The following CSMD1 variants were observed in gnomAD, a reference collection of about 807,000 sequenced individuals.
The protein encoded by CSMD1 is CUB and sushi domain-containing protein 1.
CSMD1 carries 213 observed loss-of-function variants against 417.5 expected under a neutral mutation model. The ratio of observed to expected loss-of-function variants is 0.51; its 90% CI spans 0.46 to 0.57. The LOEUF (loss-of-function observed/expected upper bound fraction) is 0.57, where lower values mean the gene tolerates loss of function less well. CSMD1 is among the 20% of genes least tolerant of loss of function. CSMD1 has a pLI of 0.00. For missense variants in CSMD1, 6,923 were observed against 4,529.7 expected, an observed-to-expected ratio of 1.53 and a Z score of -15.17; for synonymous variants, 2,862 against 1,736.8, an observed-to-expected ratio of 1.65 and a Z score of -16.11.
intron 5 of CSMD1, among the ~76,000 whole-genome samples, chr8:3,992,538 C>CTT (rs1329358752): frequency 2.0e-5 from 3 of 152,128 alleles, no homozygotes; most frequent in Non-Finnish European, 2.9e-5. Context: ...TAATTCCACA[C>CTT]TTTGGGAGGC....
chr8:3,767,622 T>C (rs1266670876), intron 5 of CSMD1, among the ~76,000 whole-genome samples: 1 of 152,210 alleles, frequency 6.6e-6, no homozygotes, highest in African/African-American at 2.4e-5. Context: ...TATATCCACT[T>C]GCATATATAT....
intron 5 of CSMD1, among the ~76,000 whole-genome samples, chr8:3,780,023 G>A (rs1404033039): frequency 6.6e-6 from 1 of 152,102 alleles, no homozygotes; most frequent in African/African-American, 2.4e-5. Context: ...CATGTTCCTG[G>A]TATTCACACT....
chr8:4,007,681 T>C (rs1360280359), intron 4 of CSMD1, among the ~76,000 whole-genome samples: 4 of 150,490 alleles, frequency 2.7e-5, no homozygotes, highest in African/African-American at 9.7e-5. Context: ...TCTTCCTCTT[T>C]TTTTTTTTCA....
chr8:3,888,381 T>G (rs1035199527), intron 5 of CSMD1, among the ~76,000 whole-genome samples: 1 of 152,202 alleles, frequency 6.6e-6, no homozygotes. Context: ...ACAAGCTTCA[T>G]AGAGAAGCCT....
intron 3 of CSMD1, among the ~76,000 whole-genome samples, chr8:4,189,683 G>C (rs370417908): frequency 6.6e-6 from 1 of 152,050 alleles, no homozygotes; most frequent in East Asian, 1.9e-4. Flanking sequence ...GCATTTGAAC[G>C]GAAAGAGTGT....
intron 9 of CSMD1, among the ~76,000 whole-genome samples, chr8:3,582,485 C>G (rs1386351733): frequency 6.6e-6 from 1 of 152,048 alleles, no homozygotes; most frequent in Non-Finnish European, 1.5e-5. Flanking sequence ...GCACAACTCA[C>G]TGGGCTCATT....
At chr8:4,608,398 G>A (rs1198264673) in intron 2 of CSMD1, among the ~76,000 whole-genome samples, 1 of 152,164 alleles carries the variant, frequency 6.6e-6, no homozygotes, top group Admixed American at 6.5e-5. Flanking sequence ...TCGACAAAAG[G>A]ATGCTTTCTC....
intron 46 of CSMD1, among the ~76,000 whole-genome samples, chr8:3,101,187 T>C (rs1292950226): frequency 6.6e-6 from 1 of 152,108 alleles, no homozygotes; most frequent in Non-Finnish European, 1.5e-5. Context: ...CCAGCCTGAT[T>C]TAATTTACCA....
At chr8:4,529,856 C>G (rs1253301434) in intron 2 of CSMD1, among the ~76,000 whole-genome samples, 1 of 150,358 alleles carries the variant, frequency 6.7e-6, no homozygotes, top group Non-Finnish European at 1.5e-5. Context: ...CAGGTTGCTG[C>G]CCATGCTGCT....
intron 8 of CSMD1, among the ~76,000 whole-genome samples, chr8:3,591,368 CTCTT>C (rs1800836873): frequency 6.6e-6 from 1 of 152,282 alleles, no homozygotes; most frequent in East Asian, 1.9e-4. Context: ...AGTATAAAGA[CTCTT>C]TCTAAGTGAG....
intron 3 of CSMD1, among the ~76,000 whole-genome samples, chr8:4,115,567 A>G (rs1424182334): frequency 6.6e-6 from 1 of 152,182 alleles, no homozygotes. Context: ...TTATTTGGCT[A>G]ATAAGGAACT....
At chr8:2,964,857 A>G (rs1803823307) in intron 59 of CSMD1, among the ~76,000 whole-genome samples, 1 of 152,188 alleles carries the variant, frequency 6.6e-6, no homozygotes, top group Non-Finnish European at 1.5e-5. Context: ...GTCACATTTA[A>G]GCCTCTGCCA....
chr8:4,771,876 C>T (rs188631853), intron 1 of CSMD1, among the ~76,000 whole-genome samples: 44 of 152,262 alleles, frequency 2.9e-4, no homozygotes, highest in Middle Eastern at 6.8e-3. Context: ...GTGCTCAAAG[C>T]GGTGGGCATG....
At chr8:3,849,642 G>A (rs973726500) in intron 5 of CSMD1, among the ~76,000 whole-genome samples, 1 of 152,134 alleles carries the variant, frequency 6.6e-6, no homozygotes, top group Non-Finnish European at 1.5e-5. Context: ...TGGGGAACAA[G>A]GTCGAAGTCC....
At chr8:4,958,283 T>A (rs1670183292) in intron 1 of CSMD1, among the ~76,000 whole-genome samples, 1 of 152,208 alleles carries the variant, frequency 6.6e-6, no homozygotes, top group African/African-American at 2.4e-5. Context: ...GTGCACATAT[T>A]TGACACATCA....
chr8:4,354,927 T>A (rs935966193), intron 3 of CSMD1, among the ~76,000 whole-genome samples: 4 of 144,122 alleles, frequency 2.8e-5, no homozygotes, highest in Middle Eastern at 3.5e-3. Flanking sequence ...TTGAGTATTT[T>A]CAGGTTGAAA....
chr8:4,879,400 T>C (rs1452389501), intron 1 of CSMD1, among the ~76,000 whole-genome samples: 3 of 152,088 alleles, frequency 2.0e-5, no homozygotes, highest in Non-Finnish European at 4.4e-5. Context: ...CTGAACTTAG[T>C]GCAATGAATT....
At chr8:3,032,044 T>C (rs1038644518) in intron 50 of CSMD1, among the ~76,000 whole-genome samples, 5 of 150,896 alleles carry the variant, frequency 3.3e-5, no homozygotes, top group Admixed American at 2.0e-4. Flanking sequence ...GCCAAGAAAA[T>C]ACATTGCCAC....
At chr8:4,630,313 G>A (rs1311472406) in intron 2 of CSMD1, among the ~76,000 whole-genome samples, 2 of 148,998 alleles carry the variant, frequency 1.3e-5, no homozygotes, top group African/African-American at 2.5e-5. Flanking sequence ...CACTCTCACA[G>A]TTGTTGTCAA....
Sources: gnomAD v4.1 joint callset for allele counts (sites outside exome capture counted in the v4.1 genomes callset) on GRCh38, gnomAD v4.1.1 for gene constraint, MANE v1.5 for transcripts, NCBI Gene and HGNC (gene_info 2026-07-23, HGNC 2026-07-21) for gene names.